DOCK2: variants seen among roughly 807,000 people sequenced by gnomAD.
DOCK2 encodes dedicator of cytokinesis protein 2.
A neutral mutation model predicts 248.9 loss-of-function variants in DOCK2; 87 were observed. The ratio of observed to expected loss-of-function variants is 0.35; its 90% CI spans 0.29 to 0.42. The LOEUF (loss-of-function observed/expected upper bound fraction) is 0.42, where lower values mean the gene tolerates loss of function less well. Among genes scored for constraint, DOCK2 ranks in the 10% least tolerant of loss-of-function variants. The pLI, the probability that DOCK2 is intolerant of heterozygous loss-of-function variation, is 1.00. For missense variants in DOCK2, 1,747 were observed against 2,300.2 expected, an observed-to-expected ratio of 0.76 and a Z score of 4.92; for synonymous variants, 805 against 821.6, an observed-to-expected ratio of 0.98 and a Z score of 0.35.
chr5:169,778,085 AG>A (rs1765482675), intron 25 of DOCK2, among the ~76,000 whole-genome samples: 1 of 152,360 alleles, frequency 6.6e-6, no homozygotes, highest in East Asian at 1.9e-4. Context: ...AGCAGCACTC[AG>A]CACCTTCCAC....
chr5:169,838,956 A>G (rs1049999458), intron 26 of DOCK2, among the ~76,000 whole-genome samples: 1 of 152,180 alleles, frequency 6.6e-6, no homozygotes, highest in Non-Finnish European at 1.5e-5. Context: ...CCCTACCCCA[A>G]CTGCAAATCT....
At chr5:169,721,547 G>A (rs1303624355) in intron 22 of DOCK2, among the ~76,000 whole-genome samples, 1 of 152,218 alleles carries the variant, frequency 6.6e-6, no homozygotes, top group East Asian at 1.9e-4. Flanking sequence ...GTCTAACCCA[G>A]CTGTTGGGAA....
chr5:169,677,163 G>A (rs1037731182), intron 6 of DOCK2, among the ~76,000 whole-genome samples: 10 of 152,156 alleles, frequency 6.6e-5, no homozygotes, highest in African/African-American at 2.2e-4. Flanking sequence ...GTCAGGTTGA[G>A]CATTCAGGGG....
intron 8 of DOCK2, among the ~76,000 whole-genome samples, chr5:169,687,894 T>A (rs911222454): frequency 6.6e-6 from 1 of 152,170 alleles, no homozygotes; most frequent in Non-Finnish European, 1.5e-5. Context: ...CTCTAATTTT[T>A]CTCTTGTAAC....
chr5:169,760,681 C>G (rs1186311289), intron 24 of DOCK2, among the ~76,000 whole-genome samples: 2 of 152,160 alleles, frequency 1.3e-5, no homozygotes, highest in Admixed American at 6.5e-5. Context: ...ACACAGCTCC[C>G]TATTTATTTC....
At chr5:169,687,524 A>G (rs114323506) in intron 8 of DOCK2, among the ~76,000 whole-genome samples, 17 of 151,208 alleles carry the variant, frequency 1.1e-4, no homozygotes, top group Non-Finnish European at 1.6e-4. Context: ...GAATCCCGTT[A>G]TGCCTTCTTA....
chr5:170,053,518 G>T (rs1459277204), intron 41 of DOCK2, among the ~76,000 whole-genome samples: 1 of 152,158 alleles, frequency 6.6e-6, no homozygotes, highest in Non-Finnish European at 1.5e-5. Context: ...CTTAGCCTCT[G>T]GGCCTTACAA....
chr5:169,664,596 T>G (rs35754703), intron 2 of DOCK2, among the ~76,000 whole-genome samples: 1 of 152,112 alleles, frequency 6.6e-6, no homozygotes, highest in Admixed American at 6.5e-5. Context: ...AAACTTACAA[T>G]CATGGTGGAA....
At position 170,031,918 on chromosome 5, in the gene DOCK2, G is replaced by C. The variant is rs549433730; in HGVS notation, c.3468-2481G>C. Among the ~76,000 whole-genome samples, 6 of 152,316 alleles carry C rather than the reference G, an allele frequency of 3.9e-5. No homozygotes were observed. The East Asian group carries it at 1.2e-3, about 29-fold the overall frequency. On this transcript the variant is annotated intron_variant, in intron 34 of 51. Transcript: ENST00000520908. ...CACCTGGGAGATTGTTAGTAAGGCA[G>C]CTGCTCAGGAACCAGCCCAGATGTG... is the stretch of plus-strand genomic sequence containing the variant.
chr5:169,840,725 T>C, intron 26 of DOCK2, 32 bp from the exon 27 acceptor site: 1 of 1,604,184 alleles, frequency 6.2e-7, no homozygotes, highest in Non-Finnish European at 8.5e-7. Flanking sequence ...AGTGTCCTGG[T>C]TGTCACATAG....
chr5:169,805,790 G>A (rs1767320992), intron 26 of DOCK2, among the ~76,000 whole-genome samples: 2 of 152,212 alleles, frequency 1.3e-5, no homozygotes, highest in African/African-American at 4.8e-5. Flanking sequence ...TGAGTGGGAG[G>A]CTCTGAGCTC....
At chr5:170,050,173 A>G in intron 40 of DOCK2, 83 bp from the exon 41 acceptor site, 1 of 1,553,692 alleles carries the variant, frequency 6.4e-7, no homozygotes, top group East Asian at 2.2e-5. Flanking sequence ...GACCGTGGTC[A>G]TTTTACAAGC....
intron 27 of DOCK2, among the ~76,000 whole-genome samples, chr5:169,950,730 G>A (rs920211992): frequency 1.3e-5 from 2 of 152,172 alleles, no homozygotes; most frequent in African/African-American, 4.8e-5. Flanking sequence ...TTCTTTCACA[G>A]CATCATTTGA....
At chr5:169,913,308 T>G (rs1774707672) in intron 27 of DOCK2, among the ~76,000 whole-genome samples, 1 of 152,218 alleles carries the variant, frequency 6.6e-6, no homozygotes, top group Admixed American at 6.5e-5. Flanking sequence ...TTCACTTCAA[T>G]TCCACTCTGC....
chr5:169,647,536 T>A (rs938736864), intron 1 of DOCK2, among the ~76,000 whole-genome samples: 1 of 152,148 alleles, frequency 6.6e-6, no homozygotes, highest in African/African-American at 2.4e-5. Context: ...CAGCAATAAA[T>A]AGAGTACTCT....
At chr5:170,053,289 T>C (rs191596715) in intron 41 of DOCK2, among the ~76,000 whole-genome samples, 2 of 152,348 alleles carry the variant, frequency 1.3e-5, no homozygotes, top group East Asian at 3.9e-4. Flanking sequence ...CTGCAAACTT[T>C]CTGGAAGGGA....
chr5:169,892,432 C>G (rs1195353540), intron 27 of DOCK2, among the ~76,000 whole-genome samples: 1 of 152,256 alleles, frequency 6.6e-6, no homozygotes, highest in Non-Finnish European at 1.5e-5. Context: ...AGAAGTGGAA[C>G]TAATGTCAAT....
intron 27 of DOCK2, among the ~76,000 whole-genome samples, chr5:169,966,888 CGAAA>C (rs1777320082): frequency 1.3e-5 from 2 of 152,302 alleles, no homozygotes; most frequent in African/African-American, 4.8e-5. Flanking sequence ...ACCTATTCAA[CGAAA>C]GAGAGCCCTT....
intron 27 of DOCK2, among the ~76,000 whole-genome samples, chr5:169,895,736 A>G (rs555562394): frequency 1.3e-5 from 2 of 152,198 alleles, no homozygotes; most frequent in East Asian, 1.9e-4. Flanking sequence ...AGAGTTATTC[A>G]TGCACTTACA....
Sources: gnomAD v4.1 joint callset for allele counts (sites outside exome capture counted in the v4.1 genomes callset) on GRCh38, gnomAD v4.1.1 for gene constraint, MANE v1.5 for transcripts, NCBI Gene and HGNC (gene_info 2026-07-23, HGNC 2026-07-21) for gene names.